The following CPSF2 variants were observed in gnomAD, a reference collection of about 807,000 sequenced individuals.
The protein encoded by CPSF2 is cleavage and polyadenylation specific factor 2.
CPSF2 carries 51 observed loss-of-function variants against 84.2 expected under a neutral mutation model. That is an observed-to-expected ratio of 0.61 (90% confidence interval 0.48 to 0.77). The LOEUF (loss-of-function observed/expected upper bound fraction) is 0.77, where lower values mean the gene tolerates loss of function less well. CPSF2 is among the 30% of genes least tolerant of loss of function. The probability of loss-of-function intolerance (pLI) is 0.00; values close to 1 mark genes in which losing one functional copy is unlikely to be tolerated. For missense variants in CPSF2, 641 were observed against 929.4 expected, an observed-to-expected ratio of 0.69 and a Z score of 4.03; for synonymous variants, 286 against 311.9, an observed-to-expected ratio of 0.92 and a Z score of 0.87.
Position 92,170,500 on chromosome 14 carries a change from A to C in CPSF2, c.*8756A>C, listed in dbSNP as rs2069504654. On this transcript the variant is annotated 3_prime_UTR_variant, in exon 16 of 16. Transcript: ENST00000298875. ...CCATTTGATCCACGAACCCCATTCA[A>C]ATGTTGCCATTTACTCCAAAAATAT... The C allele has an allele frequency of 6.6e-6, 1 of 152,226 alleles. No individual in the cohort carries two copies. Among genetic ancestry groups the C allele is most frequent in the Non-Finnish European group, 1.5e-5 (1 of 68,040 alleles). The allele number at this position is 152,226 out of a possible 1,614,324, so 9.4% of individuals were successfully genotyped here.
intron 1 of CPSF2, among the ~76,000 whole-genome samples, chr14:92,124,990 T>A (rs2068827159): frequency 6.6e-6 from 1 of 152,132 alleles, no homozygotes; most frequent in Non-Finnish European, 1.5e-5. Flanking sequence ...CTGAAGACAT[T>A]GAGCAGTGAT....
chr14:92,123,235 T>G (rs909062064), intron 1 of CPSF2, among the ~76,000 whole-genome samples: 2 of 150,724 alleles, frequency 1.3e-5, no homozygotes, highest in African/African-American at 2.5e-5. Context: ...TTCAAGTGAT[T>G]CTCCTGCCTC....
rs771448049 is a variant in CPSF2, at chr14:92,134,255, A to G, written c.315A>G (p.Arg105=). 1 of 1,613,298 alleles carries G rather than the reference A, an allele frequency of 6.2e-7. No individual in the cohort carries two copies. The highest frequency in any genetic ancestry group is 8.5e-7 in the Non-Finnish European group (1 of 1,179,314). Residue 105 remains arginine, a synonymous_variant, in exon 5 of 16, where the codon CGA becomes CGG. Transcript: ENST00000298875. ...TATTTGTGTTATTCTTTTAGTCTCG[A>G]CACAATACAGAAGATTTTACACTCT... ...QMFMYDLYQS[R]HNTEDFTLFT... is the part of the protein sequence containing the mutation.
chr14:92,152,983 C>T (rs568558097), intron 9 of CPSF2, among the ~76,000 whole-genome samples: 6 of 149,248 alleles, frequency 4.0e-5, no homozygotes, highest in South Asian at 2.1e-4. Flanking sequence ...CTGCAATGTA[C>T]GAATGTACTT....
In CPSF2 at chr14:92,157,525, A is replaced by G. The variant is rs1034177610; in HGVS notation, c.1596-134A>G. On this transcript the variant is annotated intron_variant, in intron 12 of 15. Coordinates refer to ENST00000298875, the MANE Select transcript of CPSF2 (RefSeq NM_017437.3). This position sits in a 1 kb window ranked among gnomAD's most constrained non-coding sequence, Gnocchi z 4.0. ...CAATCTCAGAAAAATAAAAACAAAA[A>G]TAAAATAAATCATACAGATACTATA... 3.1e-6 allele frequency: 2 copies of G among 645,460 alleles called. No homozygotes were observed. Among genetic ancestry groups the G allele is most frequent in the Non-Finnish European group, 2.6e-6 (1 of 380,262 alleles). 40.0% of individuals were successfully genotyped at this position (645,460 alleles called of 1,614,324 possible).
At chr14:92,128,231 G>C (rs1484928903) in intron 2 of CPSF2, among the ~76,000 whole-genome samples, 2 of 145,648 alleles carry the variant, frequency 1.4e-5, no homozygotes, top group Non-Finnish European at 3.0e-5. Context: ...GTGAAACTCT[G>C]TCTCAAAAAA....
intron 5 of CPSF2, 52 bp from the exon 6 acceptor site, chr14:92,135,315 C>A: frequency 6.7e-7 from 1 of 1,482,040 alleles, no homozygotes; most frequent in Non-Finnish European, 9.1e-7. Flanking sequence ...AATAAATAAC[C>A]TTTCTTTAGG....
chr14:92,125,094 AGGG>A (rs2068828649), intron 1 of CPSF2, among the ~76,000 whole-genome samples: 1 of 152,092 alleles, frequency 6.6e-6, no homozygotes. Flanking sequence ...TTTCTGAGCA[AGGG>A]GTAATAGGTG....
intron 2 of CPSF2, among the ~76,000 whole-genome samples, chr14:92,130,501 C>T (rs958768970): frequency 6.6e-5 from 10 of 152,164 alleles, no homozygotes; most frequent in African/African-American, 2.4e-5. Flanking sequence ...TATTGAGGAA[C>T]TTGGATGCAG....
At position 92,167,357 on chromosome 14, in the gene CPSF2, A is replaced by C. The variant is rs1339079652; in HGVS notation, c.*5613A>C. 1 of 152,134 alleles carries C rather than the reference A, an allele frequency of 6.6e-6. No individual in the cohort carries two copies. Among genetic ancestry groups the C allele is most frequent in the Admixed American group, 6.6e-5 (1 of 15,256 alleles). The allele number at this position is 152,134 out of a possible 1,614,324, so 9.4% of individuals were successfully genotyped here. ...TCTGCAAAAAAGCCCACTCATTTTT[A>C]ATAGGAGGTAAAAAGCAGTTGACAT... is the stretch of plus-strand genomic sequence containing the variant. On this transcript the variant is annotated 3_prime_UTR_variant, in exon 16 of 16. Transcript: ENST00000298875.
At chr14:92,134,473 A>G in intron 5 of CPSF2, 118 bp downstream of exon 5, 1 of 671,080 alleles carries the variant, frequency 1.5e-6, no homozygotes, top group Non-Finnish European at 2.5e-6. Context: ...TAAAAAAGTT[A>G]GCACATTCTG....
chr14:92,156,714 G>A, intron 12 of CPSF2, 83 bp downstream of exon 12: 1 of 993,742 alleles, frequency 1.0e-6, no homozygotes, highest in Non-Finnish European at 1.4e-6. Context: ...ATTATGTCAA[G>A]CAAAATTTCT....
chr14:92,125,098 G>T (rs914132349), intron 1 of CPSF2, among the ~76,000 whole-genome samples: 1 of 152,086 alleles, frequency 6.6e-6, no homozygotes, highest in Non-Finnish European at 1.5e-5. Context: ...TGAGCAAGGG[G>T]TAATAGGTGC....
At chr14:92,156,395 A>G in intron 11 of CPSF2, 84 bp from the exon 12 acceptor site, 1 of 1,151,556 alleles carries the variant, frequency 8.7e-7, no homozygotes, top group Non-Finnish European at 1.2e-6. Context: ...TGAGGACTCC[A>G]AAAATTATGC....
At position 92,146,763 on chromosome 14, in the gene CPSF2, C is replaced by T. The variant is rs368912310; in HGVS notation, c.1140+3469C>T. ...CTTCCTTCTTCTCTTTCAATAAAATCCATGCTACTTACACAGGCTTCTTAG... is the reference window on the plus strand; with the variant it reads ...CTTCCTTCTTCTCTTTCAATAAAATTCATGCTACTTACACAGGCTTCTTAG... On this transcript the variant is annotated intron_variant, in intron 9 of 15. Transcript: ENST00000298875. Among the ~76,000 whole-genome samples, 24 of 152,310 alleles carry T rather than the reference C, an allele frequency of 1.6e-4. 2 individuals carry two copies. The highest frequency in any genetic ancestry group is 5.3e-4 in the African/African-American group (22 of 41,578).
chr14:92,137,861 A>G (rs950151378), intron 6 of CPSF2, among the ~76,000 whole-genome samples: 9 of 152,232 alleles, frequency 5.9e-5, no homozygotes, highest in African/African-American at 1.7e-4. Context: ...AGGATATAGA[A>G]CTGAGCGTAT....
chr14:92,134,345 G>C lies in CPSF2; in HGVS notation c.405G>C (p.Val135=), dbSNP rs772967956. 14 of 1,606,416 alleles carry C rather than the reference G, an allele frequency of 8.7e-6. No homozygotes were observed. The Admixed American group carries it at 2.3e-4, about 27-fold the overall frequency. The change falls in exon 5 of 16, where the codon GTG becomes GTC. Residue 135 remains valine, a synonymous_variant. Transcript: ENST00000298875. ...AGCAGCTAAAATTCTCTCAGATTGT[G>C]AATTTGAAAGGTAAAAAGAATTTCC... ...KIQQLKFSQI[V]NLKGKGHGLS... is the part of the protein sequence containing the mutation.
chr14:92,129,815 A>C (rs1006816019), intron 2 of CPSF2, among the ~76,000 whole-genome samples: 1 of 152,106 alleles, frequency 6.6e-6, no homozygotes, highest in Non-Finnish European at 1.5e-5. Flanking sequence ...TGGCGCACTC[A>C]TAGCTCACAG....
intron 1 of CPSF2, among the ~76,000 whole-genome samples, 184 bp from the exon 2 acceptor site, chr14:92,125,938 T>G (rs2068840781): frequency 6.6e-6 from 1 of 152,230 alleles, no homozygotes; most frequent in African/African-American, 2.4e-5. Flanking sequence ...TGTCTTTTAT[T>G]ATCTGTTATG....
Sources: gnomAD v4.1 joint callset for allele counts (sites outside exome capture counted in the v4.1 genomes callset) on GRCh38, gnomAD v4.1.1 for gene constraint, Gnocchi (gnomAD v3.1) non-coding constraint, MANE v1.5 for transcripts, NCBI Gene and HGNC (gene_info 2026-07-23, HGNC 2026-07-21) for gene names.